Variants in SGMS1 observed in about 807,000 individuals in gnomAD.
SGMS1 encodes the protein phosphatidylcholine:ceramide cholinephosphotransferase 1.
Under a neutral mutation model 46.2 loss-of-function variants are expected in SGMS1, and 13 were observed. That is an observed-to-expected ratio of 0.28 (90% CI 0.18 to 0.45). SGMS1 has a LOEUF of 0.45. Among genes scored for constraint, SGMS1 ranks in the 20% least tolerant of loss-of-function variants. The probability of loss-of-function intolerance (pLI) is 1.00; values close to 1 mark genes in which losing one functional copy is unlikely to be tolerated. For synonymous variants in SGMS1, 203 were observed against 187.8 expected (o/e 1.08, Z -0.66); for missense variants, 324 against 519.9 (o/e 0.62, Z 3.66).
In SGMS1 at chr10:50,328,099, T is replaced by C. The variant is rs11005204; in HGVS notation, c.624-777A>G. 5.0e-3 allele frequency: 1,921 copies of C among 384,764 alleles called. 30 individuals are homozygous for C. The highest frequency in any genetic ancestry group is 0.028 in the African/African-American group (1,290 of 46,258). The allele number at this position is 384,764 out of a possible 1,614,324, so 23.8% of individuals were successfully genotyped here. ...ATTAGGTTCTAACAAAATTATTTGA[T>C]ATATACATGTAGGTTTGTATCTATC... On this transcript the variant is annotated intron_variant, in intron 7 of 10. Coordinates refer to ENST00000361781, the MANE Select transcript of SGMS1 (RefSeq NM_147156.4).
intron 5 of SGMS1, among the ~76,000 whole-genome samples, chr10:50,458,335 T>TTC (rs1445340364): frequency 3.5e-5 from 5 of 142,598 alleles, no homozygotes; most frequent in Admixed American, 7.6e-5. Context: ...TATTTTCTTT[T>TTC]TCTCTTTTTT....
rs978211410 is a variant in SGMS1, at chr10:50,433,384, T to G, written c.-232+92A>C. ...AATAGTTTCTCTTTTGCACTCAAGT[T>G]AGTTGATTGTGCTATCCTTTTACCA... On this transcript the variant is annotated intron_variant, in intron 6 of 10. Transcript: ENST00000361781. The G allele has an allele frequency of 2.0e-5, 3 of 152,376 alleles. 1 individual carries two copies. Among genetic ancestry groups the G allele is most frequent in the Admixed American group, 2.0e-4 (3 of 15,290 alleles). The allele number at this position is 152,376 out of a possible 1,614,324, so 9.4% of individuals were successfully genotyped here.
chr10:50,595,170 A>G (rs1318834543), intron 1 of SGMS1, among the ~76,000 whole-genome samples: 1 of 151,682 alleles, frequency 6.6e-6, no homozygotes, highest in Non-Finnish European at 1.5e-5. Context: ...ACTCTACTGC[A>G]TACTGCATTC....
At chr10:50,470,901 G>A (rs182080073) in intron 3 of SGMS1, among the ~76,000 whole-genome samples, 4 of 152,094 alleles carry the variant, frequency 2.6e-5, no homozygotes, top group Non-Finnish European at 4.4e-5. Flanking sequence ...CCTGTAAAAC[G>A]CATTTGCATA....
chr10:50,423,461 T>C (rs1849281172), intron 6 of SGMS1, among the ~76,000 whole-genome samples: 1 of 152,282 alleles, frequency 6.6e-6, no homozygotes, highest in South Asian at 2.1e-4. Flanking sequence ...AGCAGTAAGT[T>C]CTCTAGAAGA....
chr10:50,394,685 T>C (rs930806889), intron 6 of SGMS1, among the ~76,000 whole-genome samples: 5 of 152,260 alleles, frequency 3.3e-5, no homozygotes, highest in African/African-American at 1.2e-4. Flanking sequence ...CTTTGCCTTT[T>C]GTTTTAATTC....
intron 7 of SGMS1, among the ~76,000 whole-genome samples, chr10:50,336,607 G>C (rs1286205861): frequency 6.6e-6 from 1 of 152,076 alleles, no homozygotes; most frequent in Non-Finnish European, 1.5e-5. Flanking sequence ...GAACTCATTT[G>C]TTTTTATTCT....
intron 5 of SGMS1, among the ~76,000 whole-genome samples, chr10:50,439,231 A>G (rs1009589298): frequency 7.9e-5 from 12 of 152,172 alleles, no homozygotes; most frequent in African/African-American, 2.9e-4. Context: ...CTCAGCAAGC[A>G]CCTGTAGCTT....
At chr10:50,400,636 A>G (rs971388103) in intron 6 of SGMS1, among the ~76,000 whole-genome samples, 2 of 151,834 alleles carry the variant, frequency 1.3e-5, no homozygotes, top group Non-Finnish European at 1.5e-5. Context: ...AAATTTTTTT[A>G]CAGACAAGGT....
chr10:50,555,063 C>T (rs1404412804), intron 2 of SGMS1, among the ~76,000 whole-genome samples: 6 of 152,172 alleles, frequency 3.9e-5, no homozygotes, highest in East Asian at 1.9e-4. Context: ...AATGGGGTCA[C>T]GCCAGCAGGT....
At chr10:50,358,514 A>G (rs1247026494) in intron 6 of SGMS1, among the ~76,000 whole-genome samples, 1 of 152,110 alleles carries the variant, frequency 6.6e-6, no homozygotes, top group African/African-American at 2.4e-5. Flanking sequence ...CCTGGGCAAA[A>G]CCTGTGTCTA....
At chr10:50,480,784 C>A (rs1837469962) in intron 3 of SGMS1, among the ~76,000 whole-genome samples, 1 of 152,258 alleles carries the variant, frequency 6.6e-6, no homozygotes, top group Non-Finnish European at 1.5e-5. Context: ...GGGGCGGGGG[C>A]AGCCACCATC....
intron 6 of SGMS1, among the ~76,000 whole-genome samples, chr10:50,417,775 A>G (rs1849194788): frequency 6.6e-6 from 1 of 151,472 alleles, no homozygotes; most frequent in Non-Finnish European, 1.5e-5. Flanking sequence ...AACAGAAACC[A>G]CCCCCTACCC....
chr10:50,369,239 T>C (rs1279873450), intron 6 of SGMS1, among the ~76,000 whole-genome samples: 1 of 152,258 alleles, frequency 6.6e-6, no homozygotes, highest in Admixed American at 6.5e-5. Flanking sequence ...GGCTCACATC[T>C]GTAATCTCAA....
chr10:50,423,805 T>C (rs1428944861), intron 6 of SGMS1, among the ~76,000 whole-genome samples: 1 of 152,250 alleles, frequency 6.6e-6, no homozygotes, highest in Non-Finnish European at 1.5e-5. Context: ...TGCTGAATAA[T>C]ATTTCTAATA....
chr10:50,623,294 G>T (rs1838873933), intron 1 of SGMS1, among the ~76,000 whole-genome samples: 1 of 152,152 alleles, frequency 6.6e-6, no homozygotes, highest in African/African-American at 2.4e-5. Context: ...CCCTGGGTGG[G>T]GGTCTCCGGA....
intron 3 of SGMS1, among the ~76,000 whole-genome samples, chr10:50,496,683 G>A (rs1231367662): frequency 6.6e-6 from 1 of 152,160 alleles, no homozygotes; most frequent in African/African-American, 2.4e-5. Context: ...CATTCCAGGT[G>A]ATCCCATGGC....
chr10:50,326,124 G>A (rs1175696816), intron 8 of SGMS1, among the ~76,000 whole-genome samples: 2 of 151,922 alleles, frequency 1.3e-5, no homozygotes, highest in African/African-American at 4.8e-5. Context: ...AGCTCTTCCA[G>A]AGGTAAGGAA....
intron 3 of SGMS1, among the ~76,000 whole-genome samples, chr10:50,501,509 A>T (rs935895644): frequency 7.9e-5 from 12 of 152,222 alleles, no homozygotes; most frequent in Non-Finnish European, 1.8e-4. Context: ...AAGGAAATTA[A>T]TTTGCAGAGA....
Sources: allele counts gnomAD v4.1 joint callset (sites outside exome capture counted in the v4.1 genomes callset), GRCh38; gene constraint gnomAD v4.1.1; transcripts MANE v1.5; gene names NCBI Gene and HGNC (gene_info 2026-07-23, HGNC 2026-07-21).